FARS2: variants seen among roughly 807,000 people sequenced by gnomAD.
FARS2 encodes the protein phenylalanyl-tRNA synthetase 2, mitochondrial.
In FARS2, 40 loss-of-function variants were observed where a neutral mutation model predicts 46.4. The ratio of observed to expected loss-of-function variants is 0.86; its 90% confidence interval spans 0.67 to 1.12. FARS2 has a LOEUF of 1.12. FARS2 is among the 50% of genes most tolerant of loss of function. FARS2 has a pLI of 0.00. For missense variants in FARS2, 513 were observed against 567.9 expected (o/e 0.90, Z 0.98); for synonymous variants, 234 against 214.9 (o/e 1.09, Z -0.78).
chr6:5,592,939 C>CT (rs1484196598), intron 5 of FARS2, among the ~76,000 whole-genome samples: 1 of 152,218 alleles, frequency 6.6e-6, no homozygotes, highest in East Asian at 1.9e-4. Context: ...CACACAGCGC[C>CT]TGGTCACAAC....
At chr6:5,522,168 T>C (rs2150429211) in intron 4 of FARS2, among the ~76,000 whole-genome samples, 1 of 152,320 alleles carries the variant, frequency 6.6e-6, no homozygotes, top group East Asian at 1.9e-4. Flanking sequence ...GAGTCCACCA[T>C]GCACAGTCAT....
intron 4 of FARS2, among the ~76,000 whole-genome samples, chr6:5,537,586 GTCCCGGGCTTCCTCTCGAGTTGGAGA>G (rs1425907818): frequency 7.4e-4 from 106 of 143,436 alleles, no homozygotes; most frequent in Non-Finnish European, 1.2e-3. Flanking sequence ...AGTTGGAGAT[GTCCCGGGCTTCCTCTCGAGTTGGAGA>G]TGTCCCGGGC....
intron 6 of FARS2, among the ~76,000 whole-genome samples, chr6:5,746,475 A>G (rs1761648754): frequency 6.6e-6 from 1 of 152,174 alleles, no homozygotes; most frequent in African/African-American, 2.4e-5. Context: ...TGCCACTCAG[A>G]GTCCCCGAGC....
chr6:5,505,764 A>G (rs1238657735), intron 4 of FARS2, among the ~76,000 whole-genome samples: 1 of 152,212 alleles, frequency 6.6e-6, no homozygotes, highest in Non-Finnish European at 1.5e-5. Flanking sequence ...GCCAGTCTGC[A>G]AACAGAAAAG....
intron 6 of FARS2, among the ~76,000 whole-genome samples, chr6:5,723,966 G>T (rs995002770): frequency 6.6e-6 from 1 of 150,532 alleles, no homozygotes; most frequent in Admixed American, 6.6e-5. Context: ...CCTGCAGAGC[G>T]GTGGCCACGC....
chr6:5,648,793 A>G (rs1028547023), intron 6 of FARS2, among the ~76,000 whole-genome samples: 6 of 152,176 alleles, frequency 3.9e-5, no homozygotes, highest in Non-Finnish European at 7.3e-5. Context: ...TAAAAATATT[A>G]CGTATTAGCA....
At chr6:5,259,068 A>G (rs1764813206), upstream of FARS2, among the ~76,000 whole-genome samples, 1 of 146,252 alleles carries the variant, frequency 6.8e-6, no homozygotes, top group African/African-American at 2.7e-5. Flanking sequence ...AAATACAGAG[A>G]TTGAGAGACT....
chr6:5,588,877 A>G (rs972644155), intron 5 of FARS2, among the ~76,000 whole-genome samples: 26 of 152,208 alleles, frequency 1.7e-4, no homozygotes, highest in Non-Finnish European at 1.0e-4. Context: ...CTGTCTTTCT[A>G]CACCTTTGTC....
intron 1 of FARS2, among the ~76,000 whole-genome samples, chr6:5,353,573 A>G (rs1757709591): frequency 6.6e-6 from 1 of 151,994 alleles, no homozygotes; most frequent in Non-Finnish European, 1.5e-5. Flanking sequence ...TATTTTTTGT[A>G]GCCATTCTAA....
At position 5,405,464 on chromosome 6, in the gene FARS2, T is replaced by C. The variant is rs77860077; in HGVS notation, c.772+763T>C. On this transcript the variant is annotated intron_variant, in intron 3 of 6. Transcript: ENST00000274680. ...ATGTTATCATTACATGAGGACGTGA[T>C]CAGTGGAGCAAGGTTCTTTTTTTTT... 7.1e-3 allele frequency among the ~76,000 whole-genome samples: 1,038 copies of C among 146,460 alleles called. 11 individuals are homozygous for C. The highest frequency in any genetic ancestry group is 0.024 in the African/African-American group (963 of 39,604).
At chr6:5,700,481 A>G (rs908857376) in intron 6 of FARS2, among the ~76,000 whole-genome samples, 8 of 151,824 alleles carry the variant, frequency 5.3e-5, no homozygotes, top group African/African-American at 1.9e-4. Context: ...GTCTCAGCTC[A>G]CTGCGACCTC....
intron 3 of FARS2, among the ~76,000 whole-genome samples, chr6:5,408,972 A>T (rs909254628): frequency 6.6e-6 from 1 of 152,154 alleles, no homozygotes; most frequent in Non-Finnish European, 1.5e-5. Flanking sequence ...GTGTTTCAGG[A>T]TATATATCTC....
At chr6:5,509,479 A>C (rs915870771) in intron 4 of FARS2, among the ~76,000 whole-genome samples, 5 of 152,254 alleles carry the variant, frequency 3.3e-5, no homozygotes, top group Non-Finnish European at 5.9e-5. Flanking sequence ...GGTAGGACAC[A>C]GTTGGTCCTG....
chr6:5,542,611 C>T (rs1482644519), intron 4 of FARS2, among the ~76,000 whole-genome samples: 1 of 152,116 alleles, frequency 6.6e-6, no homozygotes, highest in Non-Finnish European at 1.5e-5. Flanking sequence ...GTTTTGATCA[C>T]CAAAAATGTC....
chr6:5,490,567 A>G (rs989333980), intron 4 of FARS2, among the ~76,000 whole-genome samples: 1 of 152,212 alleles, frequency 6.6e-6, no homozygotes, highest in Admixed American at 6.5e-5. Context: ...TGCCAGTAAT[A>G]CAGTCTCTTC....
chr6:5,768,127 A>G (rs1026281939), intron 6 of FARS2, among the ~76,000 whole-genome samples: 22 of 152,212 alleles, frequency 1.4e-4, no homozygotes, highest in Admixed American at 4.6e-4. Flanking sequence ...CTGTCATCTG[A>G]AAGCTACACA....
intron 4 of FARS2, among the ~76,000 whole-genome samples, chr6:5,470,125 T>G (rs1006921653): frequency 1.3e-5 from 2 of 152,238 alleles, no homozygotes; most frequent in African/African-American, 2.4e-5. Flanking sequence ...AGGAGTTAAT[T>G]TTTGATAAAG....
At chr6:5,701,182 A>G (rs562357721) in intron 6 of FARS2, among the ~76,000 whole-genome samples, 1 of 152,262 alleles carries the variant, frequency 6.6e-6, no homozygotes, top group Non-Finnish European at 1.5e-5. Context: ...CTTGGGAGGC[A>G]CAGGATCCGC....
intron 1 of FARS2, among the ~76,000 whole-genome samples, chr6:5,324,104 C>A (rs753994648): frequency 6.6e-6 from 1 of 152,198 alleles, no homozygotes; most frequent in African/African-American, 2.4e-5. Flanking sequence ...TAAGAGAAAG[C>A]GCTCCTGACT....
Sources: gnomAD v4.1 joint callset for allele counts (sites outside exome capture counted in the v4.1 genomes callset) on GRCh38, gnomAD v4.1.1 for gene constraint, MANE v1.5 for transcripts, NCBI Gene and HGNC (gene_info 2026-07-23, HGNC 2026-07-21) for gene names.